POU6F2: variants seen among roughly 807,000 people sequenced by gnomAD.
POU6F2 encodes POU domain, class 6, transcription factor 2.
Under a neutral mutation model 71.3 loss-of-function variants are expected in POU6F2, and 31 were observed. The ratio of observed to expected loss-of-function variants is 0.43; its 90% confidence interval spans 0.33 to 0.59. The LOEUF (loss-of-function observed/expected upper bound fraction) is 0.59. POU6F2 is among the 20% of genes least tolerant of loss of function. The pLI is 0.04. For missense variants in POU6F2, 783 were observed against 856.8 expected (o/e 0.91, Z 1.07); for synonymous variants, 347 against 355.7 (o/e 0.98, Z 0.27).
chr7:39,323,310 A>T (rs1003230874), intron 4 of POU6F2, among the ~76,000 whole-genome samples: 2 of 152,210 alleles, frequency 1.3e-5, no homozygotes, highest in African/African-American at 4.8e-5. Flanking sequence ...TCCAGTCCCC[A>T]TGCAGGGTCA....
chr7:39,081,404 C>A (rs1791115343), intron 1 of POU6F2, among the ~76,000 whole-genome samples: 1 of 152,210 alleles, frequency 6.6e-6, no homozygotes. Context: ...CGACTTCTTT[C>A]CTGGTAGACT....
intron 3 of POU6F2, 25 bp from the exon 4 acceptor site, chr7:39,207,367 G>T (rs1461910612): frequency 5.0e-6 from 8 of 1,605,032 alleles, no homozygotes; most frequent in Non-Finnish European, 6.8e-6. Flanking sequence ...AGGAAAGTGA[G>T]CTAGCTGTAT....
At chr7:39,149,733 T>C (rs1406786479) in intron 2 of POU6F2, among the ~76,000 whole-genome samples, 1 of 152,176 alleles carries the variant, frequency 6.6e-6, no homozygotes, top group Non-Finnish European at 1.5e-5. Context: ...ATTTGAGCCC[T>C]TTATATATAT....
intron 4 of POU6F2, among the ~76,000 whole-genome samples, chr7:39,232,928 A>G (rs1157840216): frequency 5.3e-5 from 8 of 152,230 alleles, no homozygotes; most frequent in Admixed American, 3.9e-4. Flanking sequence ...TCTGTGTGTA[A>G]TATATTTCCA....
rs909429885 is a variant in POU6F2 at position 39,331,984 on chromosome 7, A to G, written c.599-7658A>G. 4.6e-5 allele frequency among the ~76,000 whole-genome samples: 7 copies of G among 152,086 alleles called. No individual in the cohort carries two copies. The East Asian group carries it at 1.4e-3, about 29-fold the overall frequency. ...TGCCCTTCCTTTTGAAATCATTATT[A>G]TTAGTGTTATTATAAAAAGAAATGT... is the stretch of plus-strand genomic sequence containing the variant. On this transcript the variant is annotated intron_variant, in intron 4 of 9. Coordinates refer to ENST00000518318, the MANE Select transcript of POU6F2 (RefSeq NM_001370959.1).
intron 1 of POU6F2, chr7:39,034,468 T>C (rs1228083078): frequency 6.8e-6 from 3 of 440,378 alleles, no homozygotes; most frequent in Admixed American, 2.4e-5. Flanking sequence ...TTATTACATA[T>C]CTATGGAGAC....
rs547044184 is a variant in POU6F2 at position 39,278,368 on chromosome 7, G to A, written c.599-61274G>A. Among the ~76,000 whole-genome samples, 11 of 152,232 alleles carry A rather than the reference G, an allele frequency of 7.2e-5. 1 individual carries two copies. The South Asian group carries it at 1.7e-3, about 23-fold the overall frequency. ...GGTCACCTTCTGCATGGTGTTGGGGGTAAGGGGAGTTGGCGCACCTGGTTT... is the reference window on the plus strand; with the variant it reads ...GGTCACCTTCTGCATGGTGTTGGGGATAAGGGGAGTTGGCGCACCTGGTTT... On this transcript the variant is annotated intron_variant, in intron 4 of 9. Coordinates refer to ENST00000518318, the MANE Select transcript of POU6F2 (RefSeq NM_001370959.1).
At chr7:39,369,333 C>T (rs1786563071) in intron 5 of POU6F2, among the ~76,000 whole-genome samples, 2 of 151,940 alleles carry the variant, frequency 1.3e-5, no homozygotes. Context: ...TCACTGAAGG[C>T]TCAGTGATTG....
chr7:39,209,088 A>T, intron 4 of POU6F2, among the ~76,000 whole-genome samples: 1 of 152,300 alleles, frequency 6.6e-6, no homozygotes, highest in East Asian at 1.9e-4. Context: ...TCTTGATCAT[A>T]GTTTGATATT....
intron 2 of POU6F2, among the ~76,000 whole-genome samples, chr7:39,116,692 G>A (rs1332837469): frequency 1.3e-5 from 2 of 152,062 alleles, no homozygotes; most frequent in African/African-American, 2.4e-5. Context: ...GGTGTTTGAT[G>A]TCTTCTAATC....
At chr7:39,025,838 G>A (rs960036971) in intron 1 of POU6F2, among the ~76,000 whole-genome samples, 44 of 151,338 alleles carry the variant, frequency 2.9e-4, no homozygotes, top group African/African-American at 8.2e-4. Context: ...GAAAATTTTC[G>A]CAACCTACTC....
At chr7:39,280,565 G>A (rs948936867) in intron 4 of POU6F2, among the ~76,000 whole-genome samples, 1 of 152,172 alleles carries the variant, frequency 6.6e-6, no homozygotes, top group Admixed American at 6.5e-5. Flanking sequence ...TGTTGGTAAT[G>A]GAAATAATTA....
intron 7 of POU6F2, among the ~76,000 whole-genome samples, chr7:39,434,847 A>G (rs1319412224): frequency 6.6e-6 from 1 of 151,928 alleles, no homozygotes; most frequent in Admixed American, 6.6e-5. Flanking sequence ...TCTGTTCTCA[A>G]TGTTCAACTC....
chr7:39,423,358 T>C (rs1787897462), intron 6 of POU6F2, among the ~76,000 whole-genome samples: 1 of 152,156 alleles, frequency 6.6e-6, no homozygotes, highest in Admixed American at 6.5e-5. Flanking sequence ...AAAGAGAGTG[T>C]TTACACAAAT....
chr7:39,054,445 T>C (rs1200939264), intron 1 of POU6F2, among the ~76,000 whole-genome samples: 1 of 152,104 alleles, frequency 6.6e-6, no homozygotes, highest in African/African-American at 2.4e-5. Context: ...TTAAATAAAA[T>C]GAAATAAGTG....
chr7:39,062,884 A>G (rs1216261682), intron 1 of POU6F2, among the ~76,000 whole-genome samples: 2 of 151,324 alleles, frequency 1.3e-5, no homozygotes, highest in African/African-American at 4.9e-5. Flanking sequence ...TTTTTTACCA[A>G]AAAAGAGATG....
intron 4 of POU6F2, among the ~76,000 whole-genome samples, chr7:39,303,492 GT>G (rs1562782983): frequency 6.6e-6 from 1 of 152,008 alleles, no homozygotes; most frequent in Non-Finnish European, 1.5e-5. Context: ...TAATATGGAT[GT>G]GTAGAAACAC....
At chr7:39,264,481 T>A (rs1021956069) in intron 4 of POU6F2, among the ~76,000 whole-genome samples, 4 of 152,156 alleles carry the variant, frequency 2.6e-5, no homozygotes, top group Non-Finnish European at 5.9e-5. Flanking sequence ...CCTGAGTGTA[T>A]CATTTGGGAT....
At chr7:39,013,865 T>C (rs1789399278) in intron 1 of POU6F2, among the ~76,000 whole-genome samples, 1 of 152,212 alleles carries the variant, frequency 6.6e-6, no homozygotes, top group South Asian at 2.1e-4. Context: ...GGGTGTGCTG[T>C]AGAAACACTA....
Sources: allele counts gnomAD v4.1 joint callset (sites outside exome capture counted in the v4.1 genomes callset), GRCh38; gene constraint gnomAD v4.1.1; transcripts MANE v1.5; gene names NCBI Gene and HGNC (gene_info 2026-07-23, HGNC 2026-07-21).